Variants in NFATC1 observed in about 807,000 individuals in gnomAD.
NFATC1 encodes nuclear factor of activated T-cells, cytoplasmic 1.
NFATC1 carries 22 observed loss-of-function variants against 76.0 expected under a neutral mutation model. That is an observed-to-expected ratio of 0.29 (90% CI 0.21 to 0.41). NFATC1 has a LOEUF of 0.41. NFATC1 is among the 10% of genes least tolerant of loss of function. NFATC1 has a pLI of 1.00. For synonymous variants in NFATC1, 704 were observed against 613.1 expected (o/e 1.15, Z -2.19); for missense variants, 1,357 against 1,337.7 (o/e 1.01, Z -0.23).
intron 8 of NFATC1, among the ~76,000 whole-genome samples, chr18:79,484,673 C>T (rs59619520): frequency 0.027 from 4,100 of 152,310 alleles, 177 homozygotes; most frequent in African/African-American, 0.094. Flanking sequence ...CAACTCCACT[C>T]GGAATCCCTG....
At chr18:79,459,427 TAA>T (rs2087935937) in intron 6 of NFATC1, among the ~76,000 whole-genome samples, 1 of 151,994 alleles carries the variant, frequency 6.6e-6, no homozygotes, top group African/African-American at 2.4e-5. Context: ...TCTCGGGACA[TAA>T]AGAGAGGAGC....
At chr18:79,444,517 C>T (rs2144736503) in intron 3 of NFATC1, among the ~76,000 whole-genome samples, 1 of 152,038 alleles carries the variant, frequency 6.6e-6, no homozygotes, top group Admixed American at 6.5e-5. Context: ...ACCCCAGGCC[C>T]CTCAGGCCCT....
chr18:79,504,460 A>G (rs987048622), intron 9 of NFATC1, among the ~76,000 whole-genome samples: 1 of 152,204 alleles, frequency 6.6e-6, no homozygotes, highest in Admixed American at 6.5e-5. Context: ...GCTCTTATCC[A>G]TTCACTTCAT....
chr18:79,479,938 C>G (rs1279152673), intron 8 of NFATC1, among the ~76,000 whole-genome samples: 3 of 152,218 alleles, frequency 2.0e-5, no homozygotes, highest in African/African-American at 7.2e-5. Flanking sequence ...CCGGCCAACC[C>G]CAGACTTGAG....
At chr18:79,486,978 G>A (rs754096) in intron 9 of NFATC1, 41 bp downstream of exon 9, 747,056 of 1,542,944 alleles carry the variant, frequency 0.48, 184,638 homozygotes, top group Middle Eastern at 0.62. Flanking sequence ...CCCGCCTGGC[G>A]CCATGGCGTG....
At chr18:79,438,771 G>C (rs987755361) in intron 3 of NFATC1, among the ~76,000 whole-genome samples, 5 of 152,218 alleles carry the variant, frequency 3.3e-5, no homozygotes, top group Non-Finnish European at 7.3e-5. Flanking sequence ...ACTGGCCCCA[G>C]GGAGGGCTCC....
intron 3 of NFATC1, among the ~76,000 whole-genome samples, chr18:79,437,893 T>C (rs935207810): frequency 3.9e-5 from 6 of 152,242 alleles, no homozygotes; most frequent in Non-Finnish European, 5.9e-5. Flanking sequence ...CACCTCGGTA[T>C]GTAGGCAGCC....
chr18:79,499,888 G>C (rs1439007715), intron 9 of NFATC1, among the ~76,000 whole-genome samples: 2 of 152,180 alleles, frequency 1.3e-5, no homozygotes, highest in Non-Finnish European at 2.9e-5. Context: ...TGAACTGTCA[G>C]TAGTCATGTT....
At chr18:79,483,792 TTCCTGAGGTGTCACTCCAGCGTGACCTGG>T (rs2089406178) in intron 8 of NFATC1, among the ~76,000 whole-genome samples, 2 of 140,360 alleles carry the variant, frequency 1.4e-5, no homozygotes, top group Non-Finnish European at 3.1e-5. Flanking sequence ...TGTGACCTCG[TTCCTGAGGTGTCACTCCAGCGTGACCTGG>T]TCCTGGGGTG....
intron 2 of NFATC1, chr18:79,422,550 C>G (rs1168393614): frequency 1.3e-5 from 2 of 152,220 alleles, no homozygotes; most frequent in Admixed American, 1.3e-4. Context: ...CCCCCGGCTG[C>G]AGCAGCTACT....
At chr18:79,493,479 A>T (rs1403464136) in intron 9 of NFATC1, 2 of 152,116 alleles carry the variant, frequency 1.3e-5, no homozygotes, top group African/African-American at 2.4e-5. Context: ...GGCCTCTGCC[A>T]CGGTCGGCCC....
intron 7 of NFATC1, among the ~76,000 whole-genome samples, chr18:79,467,209 C>T (rs1330750212): frequency 1.3e-5 from 2 of 152,230 alleles, no homozygotes; most frequent in Non-Finnish European, 2.9e-5. Context: ...GTGCAGGTGG[C>T]ACAGAGCATC....
chr18:79,512,987 A>G (rs1242016743), intron 9 of NFATC1, among the ~76,000 whole-genome samples: 1 of 152,242 alleles, frequency 6.6e-6, no homozygotes, highest in African/African-American at 2.4e-5. Context: ...TGTGCCTATA[A>G]GATGGGAGAG....
At position 79,448,992 on chromosome 18, in the gene NFATC1, G is replaced by T; in HGVS notation, c.1589+8G>T. 2 of 1,612,478 alleles carry T rather than the reference G, an allele frequency of 1.2e-6. No individual in the cohort carries two copies. Among genetic ancestry groups the T allele is most frequent in the Non-Finnish European group, 1.7e-6 (2 of 1,179,726 alleles). On this transcript the variant is annotated splice_region_variant and intron_variant, in intron 4 of 9. Transcript: ENST00000427363. Reference sequence around the variant, plus strand: ...GAACAGCATGCGAGCCGTGTAAGCCGCGGGGGACCTCCGGCCTCTGGCAGG... The same window carrying T: ...GAACAGCATGCGAGCCGTGTAAGCCTCGGGGGACCTCCGGCCTCTGGCAGG...
At chr18:79,442,646 G>T (rs781620849) in intron 3 of NFATC1, among the ~76,000 whole-genome samples, 1 of 152,188 alleles carries the variant, frequency 6.6e-6, no homozygotes, top group Non-Finnish European at 1.5e-5. Flanking sequence ...CGGTGGCGGC[G>T]GCGGGTGGTG....
At chr18:79,452,742 G>T (rs561941104) in intron 6 of NFATC1, among the ~76,000 whole-genome samples, 1 of 152,340 alleles carries the variant, frequency 6.6e-6, no homozygotes, top group East Asian at 1.9e-4. Flanking sequence ...AGCCTGCCGT[G>T]AGCTCCCTGG....
chr18:79,526,966 G>A (rs1001448460), intron 9 of NFATC1, among the ~76,000 whole-genome samples: 1 of 152,234 alleles, frequency 6.6e-6, no homozygotes, highest in Non-Finnish European at 1.5e-5. Context: ...GCCCATCAGG[G>A]CGGCCACAGC....
chr18:79,527,637 T>C lies in NFATC1; in HGVS notation c.*60T>C. ...TGCTGACTTCAGCAGACAAAGACTT[T>C]TGAATAAATAAACTGAACTCACACC... is the stretch of plus-strand genomic sequence containing the variant. On this transcript the variant is annotated 3_prime_UTR_variant, in exon 10 of 10. Coordinates refer to ENST00000427363, the MANE Select transcript of NFATC1 (RefSeq NM_001278669.2). 3 of 1,493,454 alleles carry C rather than the reference T, an allele frequency of 2.0e-6. No individual in the cohort carries two copies. Among genetic ancestry groups the C allele is most frequent in the Non-Finnish European group, 1.9e-6 (2 of 1,073,036 alleles). The allele number at this position is 1,493,454 out of a possible 1,614,324, so 92.5% of individuals were successfully genotyped here.
At chr18:79,461,074 G>A (rs996456320) in intron 6 of NFATC1, among the ~76,000 whole-genome samples, 1 of 152,232 alleles carries the variant, frequency 6.6e-6, no homozygotes, top group African/African-American at 2.4e-5. Context: ...CCTGAGCCGC[G>A]TGTCCTCAGC....
Sources: gnomAD v4.1 joint callset for allele counts (sites outside exome capture counted in the v4.1 genomes callset) on GRCh38, gnomAD v4.1.1 for gene constraint, MANE v1.5 for transcripts, NCBI Gene and HGNC (gene_info 2026-07-23, HGNC 2026-07-21) for gene names.